Variants in FSTL5 observed in about 807,000 individuals in gnomAD.
FSTL5 encodes follistatin like 5.
FSTL5 carries 62 observed loss-of-function variants against 89.1 expected under a neutral mutation model. The ratio of observed to expected loss-of-function variants is 0.70; its 90% CI spans 0.57 to 0.86. The LOEUF is 0.86. FSTL5 is among the 40% of genes least tolerant of loss of function. The pLI is 0.00. For synonymous variants in FSTL5, 383 were observed against 346.2 expected, an observed-to-expected ratio of 1.11 and a Z score of -1.18; for missense variants, 1,057 against 1,001.6, an observed-to-expected ratio of 1.06 and a Z score of -0.75.
At chr4:161,887,059 C>T (rs1321354963) in intron 4 of FSTL5, among the ~76,000 whole-genome samples, 2 of 152,072 alleles carry the variant, frequency 1.3e-5, no homozygotes, top group African/African-American at 4.8e-5. Flanking sequence ...TTTAATGGTT[C>T]TGAAGAATGT....
intron 6 of FSTL5, among the ~76,000 whole-genome samples, chr4:161,731,891 A>G (rs1739623980): frequency 6.6e-6 from 1 of 152,074 alleles, no homozygotes; most frequent in South Asian, 2.1e-4. Context: ...TTGTTTATCC[A>G]TTTAACAGCT....
chr4:161,507,050 T>C (rs1161871056), intron 11 of FSTL5, among the ~76,000 whole-genome samples: 1 of 152,108 alleles, frequency 6.6e-6, no homozygotes, highest in Non-Finnish European at 1.5e-5. Flanking sequence ...TACTCAATAT[T>C]GATCCTGGAG....
chr4:161,516,248 A>G (rs888289134), intron 10 of FSTL5, among the ~76,000 whole-genome samples: 16 of 148,996 alleles, frequency 1.1e-4, no homozygotes, highest in Non-Finnish European at 1.3e-4. Flanking sequence ...TAATATATAT[A>G]TTTTACATTT....
intron 2 of FSTL5, among the ~76,000 whole-genome samples, chr4:162,097,022 G>A (rs1257195469): frequency 6.6e-6 from 1 of 151,820 alleles, no homozygotes; most frequent in Non-Finnish European, 1.5e-5. Flanking sequence ...AATACAAGAT[G>A]ATAAAGCAAG....
chr4:161,807,169 T>C (rs1282106273), intron 4 of FSTL5, among the ~76,000 whole-genome samples: 1 of 149,360 alleles, frequency 6.7e-6, no homozygotes, highest in African/African-American at 2.5e-5. Flanking sequence ...GGCCATCTAC[T>C]ACGACTATTT....
At chr4:161,689,951 A>T (rs2126718219) in intron 6 of FSTL5, among the ~76,000 whole-genome samples, 1 of 152,248 alleles carries the variant, frequency 6.6e-6, no homozygotes, top group Non-Finnish European at 1.5e-5. Flanking sequence ...TTCGAGATTC[A>T]TCCAAGTTGT....
At chr4:161,549,614 A>T (rs1732131377) in intron 8 of FSTL5, among the ~76,000 whole-genome samples, 1 of 151,896 alleles carries the variant, frequency 6.6e-6, no homozygotes, top group Admixed American at 6.6e-5. Context: ...CCTTGATAAG[A>T]ATATGACTTG....
At chr4:161,679,031 C>T (rs985591249) in intron 6 of FSTL5, among the ~76,000 whole-genome samples, 1 of 151,582 alleles carries the variant, frequency 6.6e-6, no homozygotes, top group African/African-American at 2.4e-5. Context: ...GTATTGAACA[C>T]TTTAGTAAAT....
intron 15 of FSTL5, among the ~76,000 whole-genome samples, chr4:161,398,830 C>A (rs1009612207): frequency 3.3e-5 from 5 of 151,966 alleles, no homozygotes; most frequent in African/African-American, 9.7e-5. Flanking sequence ...GTCAACTATT[C>A]TGAGGAAATA....
chr4:161,813,331 A>G (rs763360046), intron 4 of FSTL5, among the ~76,000 whole-genome samples: 22 of 152,120 alleles, frequency 1.4e-4, no homozygotes, highest in South Asian at 2.1e-4. Flanking sequence ...GCCTGGCTGA[A>G]AGATTCTTTA....
intron 4 of FSTL5, among the ~76,000 whole-genome samples, chr4:161,804,689 TC>T (rs1322749876): frequency 1.3e-5 from 2 of 152,022 alleles, no homozygotes; most frequent in Non-Finnish European, 2.9e-5. Flanking sequence ...AAAATCAAAT[TC>T]AACTTCTTGA....
intron 3 of FSTL5, among the ~76,000 whole-genome samples, chr4:162,029,599 G>C (rs908057372): frequency 6.6e-6 from 1 of 152,022 alleles, no homozygotes; most frequent in Non-Finnish European, 1.5e-5. Flanking sequence ...AAACAACCTG[G>C]CAAAAGTCCT....
intron 6 of FSTL5, among the ~76,000 whole-genome samples, chr4:161,672,972 C>T (rs1219667250): frequency 1.3e-5 from 2 of 151,896 alleles, no homozygotes; most frequent in East Asian, 1.9e-4. Context: ...TTTAAATGTC[C>T]TATGCAGTAC....
chr4:162,032,357 T>C (rs1329763890), intron 3 of FSTL5, among the ~76,000 whole-genome samples: 2 of 152,110 alleles, frequency 1.3e-5, no homozygotes, highest in Non-Finnish European at 2.9e-5. Context: ...ATTCCCCTTT[T>C]CAACACAATA....
chr4:161,653,171 A>G (rs1207606219), intron 7 of FSTL5, among the ~76,000 whole-genome samples: 1 of 152,228 alleles, frequency 6.6e-6, no homozygotes, highest in Non-Finnish European at 1.5e-5. Flanking sequence ...GGAAGCTTGT[A>G]GAACATTCAA....
At chr4:161,872,141 G>GTTTTTTTTTTTTTTT (rs1171950770) in intron 4 of FSTL5, among the ~76,000 whole-genome samples, 6 of 79,558 alleles carry the variant, frequency 7.5e-5, no homozygotes, top group African/African-American at 2.1e-4. Flanking sequence ...TTTTTTTTTG[G>GTTTTTTTTTTTTTTT]TTTTTTTTTT....
At chr4:162,133,052 C>T (rs534321859) in intron 1 of FSTL5, among the ~76,000 whole-genome samples, 24 of 152,272 alleles carry the variant, frequency 1.6e-4, no homozygotes, top group African/African-American at 5.5e-4. Context: ...ACGCCCTTCT[C>T]CTACCTCACT....
intron 10 of FSTL5, among the ~76,000 whole-genome samples, chr4:161,524,752 G>A (rs1365086603): frequency 6.6e-6 from 1 of 152,112 alleles, no homozygotes. Flanking sequence ...GAGGTCAGGA[G>A]ATCGAGACCA....
At chr4:161,630,066 T>C (rs114475469) in intron 7 of FSTL5, among the ~76,000 whole-genome samples, 355 of 152,294 alleles carry the variant, frequency 2.3e-3, no homozygotes, top group Non-Finnish European at 4.3e-3. Flanking sequence ...TAGGAGACAC[T>C]TTCCTCCACT....
Sources: allele counts gnomAD v4.1 joint callset (sites outside exome capture counted in the v4.1 genomes callset), GRCh38; gene constraint gnomAD v4.1.1; transcripts MANE v1.5; gene names NCBI Gene and HGNC (gene_info 2026-07-23, HGNC 2026-07-21).